The following TBL1X variants were observed in gnomAD, a reference collection of about 807,000 sequenced individuals.
TBL1X encodes F-box-like/WD repeat-containing protein TBL1X.
TBL1X carries 10 observed loss-of-function variants against 50.7 expected under a neutral mutation model. The ratio of observed to expected loss-of-function variants is 0.20; its 90% CI spans 0.12 to 0.33. The LOEUF (loss-of-function observed/expected upper bound fraction) is 0.33. Ranked by LOEUF, TBL1X falls within the 10% of genes least tolerant of loss-of-function variation. The pLI, the probability that TBL1X is intolerant of heterozygous loss-of-function variation, is 1.00. For synonymous variants in TBL1X, 190 were observed against 214.7 expected (o/e 0.88, Z 1.01); for missense variants, 340 against 504.4 (o/e 0.67, Z 3.12).
intron 2 of TBL1X, among the ~76,000 whole-genome samples, chrX:9,589,811 T>C (rs1484991678): frequency 9.0e-6 from 1 of 111,664 alleles, no homozygotes; most frequent in Non-Finnish European, 1.9e-5. Context: ...AAGCGTCTCC[T>C]CTAAGACATT....
intron 1 of TBL1X, among the ~76,000 whole-genome samples, chrX:9,466,419 C>G (rs1183868507): frequency 8.9e-6 from 1 of 112,783 alleles, no homozygotes; most frequent in South Asian, 3.6e-4. Flanking sequence ...TGCAAGGCCT[C>G]GTGTTCCCCC....
intron 1 of TBL1X, among the ~76,000 whole-genome samples, chrX:9,487,622 A>G (rs2146938085): frequency 8.9e-6 from 1 of 112,432 alleles, no homozygotes; most frequent in Admixed American, 9.4e-5. Flanking sequence ...ATTGTTCATA[A>G]AATTGTTTAT....
chrX:9,674,680 G>GCCC (rs57080019), intron 5 of TBL1X, among the ~76,000 whole-genome samples: 1 of 4,007 alleles, frequency 2.5e-4, no homozygotes, highest in Non-Finnish European at 5.3e-4. Context: ...TCCCGCCTCA[G>GCCC]CCCCCCCCCC....
rs781666682 is a variant in TBL1X at position 9,709,285 on chromosome X, T to C, written c.1274T>C (p.Met425Thr). The C allele has an allele frequency of 8.3e-7, 1 of 1,211,942 alleles. No individual in the cohort carries two copies. Among genetic ancestry groups the C allele is most frequent in the East Asian group, 3.0e-5 (1 of 33,847 alleles). The change falls in exon 14 of 18, where the codon ATG becomes ACG. Residue 425 changes from methionine (M) to threonine (T), a missense_variant. By Grantham distance (81) the Met-to-Thr change is moderately conservative (BLOSUM62 -1). Around this residue, in one of 6 missense-constraint regions of TBL1X, gnomAD observed 170 missense variants for 272.6 expected, o/e 0.62. Transcript: ENST00000645353. The part of the protein sequence containing the change: ...VNAIKWDPSG[M>T]LLASCSDDMT... ...GCCATCAAATGGGATCCGTCTGGAA[T>C]GTTGCTGGCATCCTGCTCGGATGAC...
intron 2 of TBL1X, among the ~76,000 whole-genome samples, chrX:9,573,315 G>T (rs879015128): frequency 8.9e-6 from 1 of 111,870 alleles, no homozygotes; most frequent in African/African-American, 3.3e-5. Flanking sequence ...ATATTTTTTT[G>T]TTATGTGACC....
chrX:9,514,217 T>A, intron 2 of TBL1X, among the ~76,000 whole-genome samples: 1 of 111,833 alleles, frequency 8.9e-6, no homozygotes, highest in Non-Finnish European at 1.9e-5. Context: ...GGCTACACTG[T>A]AGTTCACTTG....
At chrX:9,544,108 C>G (rs1488475946) in intron 2 of TBL1X, among the ~76,000 whole-genome samples, 1 of 111,831 alleles carries the variant, frequency 8.9e-6, no homozygotes, top group Non-Finnish European at 1.9e-5. Context: ...ACCCCGTATC[C>G]CAAGAAATGT....
intron 2 of TBL1X, among the ~76,000 whole-genome samples, chrX:9,555,319 T>C (rs1220923705): frequency 9.0e-6 from 1 of 111,552 alleles, no homozygotes; most frequent in Non-Finnish European, 1.9e-5. Context: ...GCTCAAGCGA[T>C]CCTCCTGTTT....
chrX:9,477,538 T>C (rs986392083), intron 1 of TBL1X, among the ~76,000 whole-genome samples: 1 of 112,081 alleles, frequency 8.9e-6, no homozygotes, highest in Non-Finnish European at 1.9e-5. Flanking sequence ...CAAGCTCTAT[T>C]ACTTTGTTCC....
At chrX:9,550,127 C>T (rs1483342146) in intron 2 of TBL1X, among the ~76,000 whole-genome samples, 1 of 111,075 alleles carries the variant, frequency 9.0e-6, no homozygotes, top group Admixed American at 9.6e-5. Flanking sequence ...ATCTTGGCTG[C>T]TTTAAAAAGG....
At chrX:9,480,847 A>G (rs1162795761) in intron 1 of TBL1X, among the ~76,000 whole-genome samples, 1 of 101,170 alleles carries the variant, frequency 9.9e-6, no homozygotes, top group East Asian at 3.1e-4. Flanking sequence ...CTTATTTGAT[A>G]TATTAAAACT....
chrX:9,549,858 G>A (rs990854247), intron 2 of TBL1X, among the ~76,000 whole-genome samples: 8 of 111,591 alleles, frequency 7.2e-5, no homozygotes, highest in African/African-American at 2.6e-4. Flanking sequence ...TCAGAGTCTG[G>A]ACTTAGTAGC....
intron 2 of TBL1X, among the ~76,000 whole-genome samples, chrX:9,526,953 G>A (rs1229086900): frequency 9.0e-6 from 1 of 111,493 alleles, no homozygotes; most frequent in Non-Finnish European, 1.9e-5. Flanking sequence ...TTGTGATGGG[G>A]AGCGCCCTCC....
rs2238866 is a variant in TBL1X at position 9,603,771 on chromosome X, C to G, written c.-130-36502C>G. Among the ~76,000 whole-genome samples, 3 of 111,566 alleles carry G rather than the reference C, an allele frequency of 2.7e-5. No individual in the cohort carries two copies. The East Asian group carries it at 8.5e-4, about 32-fold the overall frequency. ...GTTCTGGAGGCCAGAAGTGCAGAAT[C>G]AAGGGGTCCGCAGGGCCCAGCTACC... On this transcript the variant is annotated intron_variant, in intron 2 of 17. Coordinates refer to ENST00000645353, the MANE Select transcript of TBL1X (RefSeq NM_005647.4).
At chrX:9,492,261 C>G (rs2081948613) in intron 1 of TBL1X, among the ~76,000 whole-genome samples, 1 of 111,213 alleles carries the variant, frequency 9.0e-6, no homozygotes, top group African/African-American at 3.3e-5. Context: ...GCTCTTTTTA[C>G]TAATTTATTA....
chrX:9,693,055 G>A, intron 9 of TBL1X, 94 bp from the exon 10 acceptor site: 2 of 912,719 alleles, frequency 2.2e-6, no homozygotes, highest in Non-Finnish European at 3.2e-6. Context: ...AATGGTTCCA[G>A]TGTACCTGGA....
intron 2 of TBL1X, among the ~76,000 whole-genome samples, chrX:9,551,643 G>T (rs2082271678): frequency 1.8e-5 from 2 of 111,552 alleles, no homozygotes; most frequent in Admixed American, 1.9e-4. Flanking sequence ...TATGAAGAGG[G>T]GGGAAGAACT....
At chrX:9,654,460 A>C in intron 5 of TBL1X, 138 bp downstream of exon 5, 1 of 687,836 alleles carries the variant, frequency 1.5e-6, no homozygotes, top group Non-Finnish European at 2.2e-6. Context: ...GATGGGGAGA[A>C]GAGAAGGTTC....
chrX:9,645,276 G>A (rs1487560444), intron 3 of TBL1X: 4 of 111,441 alleles, frequency 3.6e-5, no homozygotes, highest in African/African-American at 1.3e-4. Flanking sequence ...TGTATTTTTT[G>A]TAGAGATGGG....
Sources: gnomAD v4.1 joint callset for allele counts (sites outside exome capture counted in the v4.1 genomes callset) on GRCh38, gnomAD v4.1.1 for gene constraint, gnomAD v4.1.1 regional missense constraint, MANE v1.5 for transcripts, NCBI Gene and HGNC (gene_info 2026-07-23, HGNC 2026-07-21) for gene names.